Variants in PTPRD observed in about 807,000 individuals in gnomAD.
PTPRD encodes receptor-type tyrosine-protein phosphatase delta.
PTPRD carries 34 observed loss-of-function variants against 214.5 expected under a neutral mutation model. That is an observed-to-expected ratio of 0.16 (90% CI 0.12 to 0.21). PTPRD has a LOEUF of 0.21. PTPRD is among the 10% of genes least tolerant of loss of function. The pLI, the probability that PTPRD is intolerant of heterozygous loss-of-function variation, is 1.00. For missense variants in PTPRD, 2,545 were observed against 2,398.7 expected, an observed-to-expected ratio of 1.06 and a Z score of -1.27; for synonymous variants, 1,128 against 845.7, an observed-to-expected ratio of 1.33 and a Z score of -5.79.
intron 2 of PTPRD, among the ~76,000 whole-genome samples, chr9:10,604,998 G>A (rs1450922838): frequency 6.6e-6 from 1 of 151,776 alleles, no homozygotes; most frequent in Non-Finnish European, 1.5e-5. Context: ...TCAAACTTAA[G>A]TCATAGATGT....
At chr9:10,514,710 G>A (rs534640055) in intron 2 of PTPRD, among the ~76,000 whole-genome samples, 1 of 151,610 alleles carries the variant, frequency 6.6e-6, no homozygotes, top group Non-Finnish European at 1.5e-5. Flanking sequence ...ATTCTTTATT[G>A]TATTATACAG....
chr9:8,901,026 G>C (rs956404422), intron 11 of PTPRD, among the ~76,000 whole-genome samples: 1 of 152,060 alleles, frequency 6.6e-6, no homozygotes, highest in Non-Finnish European at 1.5e-5. Context: ...ATTGGAAAAG[G>C]GGATATAGAA....
chr9:9,236,671 C>G (rs116080990), intron 9 of PTPRD, among the ~76,000 whole-genome samples: 1 of 143,682 alleles, frequency 7.0e-6, no homozygotes, highest in African/African-American at 2.6e-5. Flanking sequence ...CATTTGTGGT[C>G]CTTCCCCTTC....
At chr9:9,046,129 T>C (rs1004954068) in intron 10 of PTPRD, among the ~76,000 whole-genome samples, 37 of 152,198 alleles carry the variant, frequency 2.4e-4, no homozygotes, top group African/African-American at 8.7e-4. Flanking sequence ...ATCTTTCAGC[T>C]TCCAAAAGAA....
chr9:9,227,401 G>C (rs1222064122), intron 9 of PTPRD, among the ~76,000 whole-genome samples: 4 of 152,056 alleles, frequency 2.6e-5, no homozygotes, highest in African/African-American at 9.7e-5. Flanking sequence ...ATATCTCCAG[G>C]TCTGAAATCC....
intron 3 of PTPRD, among the ~76,000 whole-genome samples, chr9:10,268,134 T>A (rs892035212): frequency 1.3e-4 from 16 of 119,136 alleles, no homozygotes; most frequent in South Asian, 1.1e-3. Context: ...TTTTTTTTTT[T>A]AAATAATTGG....
chr9:9,530,848 G>A lies in PTPRD; in HGVS notation c.-237+43884C>T, dbSNP rs1017590135. On this transcript the variant is annotated intron_variant, in intron 8 of 45. Coordinates refer to ENST00000381196, the MANE Select transcript of PTPRD (RefSeq NM_002839.4). ...TAAAAATGCTGATCTCAGGGAGGTA[G>A]AGAACATGCAATGATGGATACCAGA... 7.2e-5 allele frequency among the ~76,000 whole-genome samples: 11 copies of A among 152,262 alleles called. No homozygotes were observed. The East Asian group carries it at 2.1e-3, about 29-fold the overall frequency.
chr9:9,037,162 G>A (rs987346975), intron 10 of PTPRD, among the ~76,000 whole-genome samples: 2 of 152,118 alleles, frequency 1.3e-5, no homozygotes, highest in African/African-American at 4.8e-5. Flanking sequence ...GCCTAACAAT[G>A]TGTATCTCAG....
intron 8 of PTPRD, among the ~76,000 whole-genome samples, chr9:9,504,612 T>C (rs2096527666): frequency 6.6e-6 from 1 of 151,676 alleles, no homozygotes; most frequent in Non-Finnish European, 1.5e-5. Context: ...ATGCCTACGC[T>C]CACCATTTCT....
intron 3 of PTPRD, among the ~76,000 whole-genome samples, chr9:10,316,912 T>C (rs188925704): frequency 3.4e-4 from 52 of 152,012 alleles, no homozygotes; most frequent in African/African-American, 1.2e-3. Flanking sequence ...ACTATAGATT[T>C]TAAACCTGAT....
chr9:9,647,596 A>T (rs1379443538), intron 7 of PTPRD, among the ~76,000 whole-genome samples: 2 of 152,130 alleles, frequency 1.3e-5, no homozygotes, highest in Non-Finnish European at 2.9e-5. Context: ...CCAAAAATCA[A>T]ATTTTGTTTA....
rs201483083 is a variant in PTPRD at position 10,192,874 on chromosome 9, TAAG to T, written c.-545+148086_-545+148088del. Among the ~76,000 whole-genome samples, 1,381 of 152,266 alleles carry T rather than the reference TAAG, an allele frequency of 9.1e-3. 12 individuals are homozygous for T. Among genetic ancestry groups the T allele is most frequent in the Non-Finnish European group, 0.016 (1,066 of 68,006 alleles). On this transcript the variant is annotated intron_variant, in intron 3 of 45. Transcript: ENST00000381196. ...ACGTGTGAGTCTACACTTATGATTC[TAAG>T]AAGGATAACAGCCTAAAGCTTCCTA...
intron 2 of PTPRD, among the ~76,000 whole-genome samples, chr9:10,374,258 T>A (rs192502870): frequency 2.9e-4 from 44 of 152,194 alleles, no homozygotes; most frequent in Non-Finnish European, 5.6e-4. Context: ...GGCAATTGTG[T>A]CAAAATACAG....
intron 3 of PTPRD, among the ~76,000 whole-genome samples, chr9:10,249,066 G>A (rs1019515367): frequency 6.6e-6 from 1 of 152,102 alleles, no homozygotes; most frequent in African/African-American, 2.4e-5. Context: ...TTCTTCTGCA[G>A]ATCTTATATA....
rs564470308 is a variant in PTPRD, at chr9:9,586,360, T to C, written c.-286-11579A>G. Among the ~76,000 whole-genome samples the C allele has an allele frequency of 1.3e-4, 20 of 152,096 alleles. No homozygotes were observed. The South Asian group carries it at 4.1e-3, about 32-fold the overall frequency. On this transcript the variant is annotated intron_variant, in intron 7 of 45. Coordinates refer to ENST00000381196, the MANE Select transcript of PTPRD (RefSeq NM_002839.4). Reference sequence around the variant, plus strand: ...ATGAATACTTACTAATACAAACAAATCTAGTATAATTGGCATAATGGAAAT... The same window carrying C: ...ATGAATACTTACTAATACAAACAAACCTAGTATAATTGGCATAATGGAAAT...
At chr9:8,920,275 AG>A (rs2098818381) in intron 11 of PTPRD, among the ~76,000 whole-genome samples, 1 of 152,010 alleles carries the variant, frequency 6.6e-6, no homozygotes, top group Non-Finnish European at 1.5e-5. Context: ...CAGGAGGCAG[AG>A]GTTGCAGTGA....
chr9:9,924,036 T>A (rs1251361716), intron 5 of PTPRD, among the ~76,000 whole-genome samples: 1 of 152,020 alleles, frequency 6.6e-6, no homozygotes, highest in African/African-American at 2.4e-5. Context: ...CTAACAACTT[T>A]ATAAACTTCA....
chr9:9,279,536 C>CT (rs974183855), intron 9 of PTPRD, among the ~76,000 whole-genome samples: 2 of 150,210 alleles, frequency 1.3e-5, no homozygotes, highest in African/African-American at 4.9e-5. Flanking sequence ...TTCACATATT[C>CT]TTTTTTAAAT....
chr9:9,678,014 G>A (rs1331360358), intron 7 of PTPRD, among the ~76,000 whole-genome samples: 1 of 152,082 alleles, frequency 6.6e-6, no homozygotes, highest in East Asian at 1.9e-4. Context: ...ACTTACAAGG[G>A]ATGTGAAGGA....
Sources: allele counts gnomAD v4.1 joint callset (sites outside exome capture counted in the v4.1 genomes callset), GRCh38; gene constraint gnomAD v4.1.1; transcripts MANE v1.5; gene names NCBI Gene and HGNC (gene_info 2026-07-23, HGNC 2026-07-21).